Variants in YAE1 observed in about 807,000 individuals in gnomAD.
The protein encoded by YAE1 is YAE1 maturation factor of ABCE1, also known as protein YAE1 homolog.
In YAE1, 22 loss-of-function variants were observed where a neutral mutation model predicts 23.0. The observed-to-expected ratio is 0.96, with a 90% confidence interval of 0.68 to 1.37. The LOEUF is 1.37. Among genes scored for constraint, YAE1 ranks in the 40% most tolerant of loss-of-function variants. The pLI is 0.00. For missense variants in YAE1, 260 were observed against 262.1 expected (o/e 0.99, Z 0.06); for synonymous variants, 101 against 97.0 (o/e 1.04, Z -0.24).
chr7:39,572,801 T>C lies in YAE1; in HGVS notation c.*95T>C. ...TGGTTTCTGCATCAAACACCTCAAC[T>C]GTAGGGTTACCCTTTATGGAAGTTT... On this transcript the variant is annotated 3_prime_UTR_variant, in exon 3 of 3. Coordinates refer to ENST00000223273, the MANE Select transcript of YAE1 (RefSeq NM_020192.5). The C allele has an allele frequency of 2.0e-6, 3 of 1,471,348 alleles. No homozygotes were observed. The highest frequency in any genetic ancestry group is 2.7e-5 in the Admixed American group (1 of 37,372). 91.1% of individuals were successfully genotyped at this position (1,471,348 alleles called of 1,614,324 possible).
chr7:39,598,568 G>A (rs1252354957), intron 2 of YAE1, among the ~76,000 whole-genome samples: 2 of 151,974 alleles, frequency 1.3e-5, no homozygotes, highest in African/African-American at 4.8e-5. Flanking sequence ...CTTGAGCTCA[G>A]GAGTGTGAAA....
At chr7:39,611,823 A>G (rs1791223725), downstream of YAE1, among the ~76,000 whole-genome samples, 2 of 152,202 alleles carry the variant, frequency 1.3e-5, no homozygotes, top group Non-Finnish European at 2.9e-5. Flanking sequence ...AATATAGAAT[A>G]TAGTTTTTTT....
downstream of YAE1, among the ~76,000 whole-genome samples, chr7:39,577,262 CTG>C (rs561776093): frequency 1.3e-3 from 194 of 152,376 alleles, no homozygotes; most frequent in African/African-American, 4.4e-3. Context: ...CATATCCAAA[CTG>C]TGTCATTGAG....
chr7:39,598,844 C>T lies in YAE1; in HGVS notation c.252-10773C>T, dbSNP rs558212904. On this transcript the variant is annotated intron_variant, in intron 2 of 2. Coordinates refer to the YAE1 transcript ENST00000432096. ...ACAAAGAGAAGGAGAAGAAATTAGA[C>T]GATAGGTATTATGTTACATAAACTG... is the stretch of plus-strand genomic sequence containing the variant. 4.7e-5 allele frequency among the ~76,000 whole-genome samples: 7 copies of T among 150,132 alleles called. No individual in the cohort carries two copies. The East Asian group carries it at 5.8e-4, about 13-fold the overall frequency.
intron 2 of YAE1, among the ~76,000 whole-genome samples, chr7:39,590,129 A>G (rs1790880986): frequency 6.6e-6 from 1 of 152,158 alleles, no homozygotes; most frequent in South Asian, 2.1e-4. Flanking sequence ...ATAAGTCATT[A>G]CTGAATGCAT....
At chr7:39,574,759 G>T (rs918333358), downstream of YAE1, among the ~76,000 whole-genome samples, 3 of 142,204 alleles carry the variant, frequency 2.1e-5, no homozygotes, top group Non-Finnish European at 4.6e-5. Flanking sequence ...AAAAAAATCC[G>T]ACAGCCATGG....
chr7:39,571,915 A>G (rs1313346668), intron 2 of YAE1, among the ~76,000 whole-genome samples: 2 of 152,008 alleles, frequency 1.3e-5, no homozygotes, highest in Non-Finnish European at 2.9e-5. Context: ...AAAAAAAGAT[A>G]CCCCCTGAGA....
intron 2 of YAE1, among the ~76,000 whole-genome samples, chr7:39,602,687 TAGA>T (rs1791069676): frequency 6.6e-6 from 1 of 152,300 alleles, no homozygotes; most frequent in African/African-American, 2.4e-5. Flanking sequence ...CAGAGGCAGG[TAGA>T]AGAAGAAGAA....
At chr7:39,591,853 A>G (rs1790904871) in intron 2 of YAE1, among the ~76,000 whole-genome samples, 1 of 152,086 alleles carries the variant, frequency 6.6e-6, no homozygotes, top group African/African-American at 2.4e-5. Flanking sequence ...CTCCCTACCT[A>G]ATTCCTGGCA....
At chr7:39,605,581 C>T (rs191357166) in intron 2 of YAE1, among the ~76,000 whole-genome samples, 1 of 152,240 alleles carries the variant, frequency 6.6e-6, no homozygotes, top group Non-Finnish European at 1.5e-5. Flanking sequence ...AGCTGTTTTT[C>T]AGACTGGAAC....
At position 39,572,505 on chromosome 7, in the gene YAE1, CTG is replaced by C. The variant is rs1562589620; in HGVS notation, c.483_484del (p.Cys161Ter). 2.5e-6 allele frequency: 4 copies of C among 1,614,098 alleles called. No homozygotes were observed. The highest frequency in any genetic ancestry group is 1.1e-5 in the South Asian group (1 of 91,080). On this transcript the variant is annotated frameshift_variant, in exon 3 of 3. Coordinates refer to ENST00000223273, the MANE Select transcript of YAE1 (RefSeq NM_020192.5). LOFTEE classifies it high-confidence loss of function. ...KIDEAKDERL[C>X]ENNAEFNKNC... is the part of the protein sequence containing the mutation. ...TTGATGAAGCTAAAGATGAAAGACT[CTG>C]TGAAAATAATGCTGAGTTTAACAAA...
downstream of YAE1, among the ~76,000 whole-genome samples, chr7:39,611,058 G>A (rs1030097424): frequency 6.6e-6 from 1 of 152,058 alleles, no homozygotes; most frequent in South Asian, 2.1e-4. Flanking sequence ...TGAGGCAGGA[G>A]AATCACTTGA....
chr7:39,572,840 T>C lies in YAE1; in HGVS notation c.*134T>C. On this transcript the variant is annotated 3_prime_UTR_variant, in exon 3 of 3. Coordinates refer to ENST00000223273, the MANE Select transcript of YAE1 (RefSeq NM_020192.5). The stretch of plus-strand genomic sequence containing the variant: ...TTATGGAAGTTTGAAATTAACACTA[T>C]TGTCTTCAAAATTAACACTATTAAA... The C allele has an allele frequency of 7.2e-7, 1 of 1,382,636 alleles. No homozygotes were observed. The highest frequency in any genetic ancestry group is 9.3e-7 in the Non-Finnish European group (1 of 1,071,516). The allele number at this position is 1,382,636 out of a possible 1,614,324, so 85.6% of individuals were successfully genotyped here. A position where few individuals can be genotyped will look rare whatever the true frequency, so the allele number is the denominator to read the frequency against.
At chr7:39,567,508 C>T (rs1186102178) in intron 1 of YAE1, among the ~76,000 whole-genome samples, 1 of 152,080 alleles carries the variant, frequency 6.6e-6, no homozygotes, top group Non-Finnish European at 1.5e-5. Context: ...TGCCCTGTCT[C>T]CTCACCCACC....
At chr7:39,609,420 G>A (rs1429861525) in intron 2 of YAE1, 17 of 676,840 alleles carry the variant, frequency 2.5e-5, no homozygotes, top group Middle Eastern at 2.8e-4. Context: ...TGGGAACACT[G>A]GTTATTATTT....
intron 2 of YAE1, among the ~76,000 whole-genome samples, chr7:39,605,645 A>G (rs535126010): frequency 2.0e-5 from 3 of 152,152 alleles, no homozygotes; most frequent in Admixed American, 6.5e-5. Flanking sequence ...CAAACTATAC[A>G]TTGGCTCTCC....
At chr7:39,582,923 AT>A (rs1790766002) in intron 2 of YAE1, among the ~76,000 whole-genome samples, 1 of 152,236 alleles carries the variant, frequency 6.6e-6, no homozygotes, top group Non-Finnish European at 1.5e-5. Flanking sequence ...ATAGCTTTCC[AT>A]TTGGTATAGC....
intron 1 of YAE1, chr7:39,569,918 C>T: frequency 8.0e-7 from 1 of 1,250,000 alleles, no homozygotes; most frequent in Non-Finnish European, 1.2e-6. Context: ...TTATTGTAAA[C>T]TGTCCAGTCA....
intron 2 of YAE1, among the ~76,000 whole-genome samples, chr7:39,583,376 AGG>A (rs1491334764): frequency 1.7e-5 from 2 of 115,034 alleles, no homozygotes; most frequent in South Asian, 5.1e-4. Flanking sequence ...TTTACAAAAC[AGG>A]GGTAACTCTT....
Sources: allele counts gnomAD v4.1 joint callset (sites outside exome capture counted in the v4.1 genomes callset), GRCh38; gene constraint gnomAD v4.1.1; transcripts MANE v1.5; gene names NCBI Gene and HGNC (gene_info 2026-07-23, HGNC 2026-07-21).